SEMA5A: variants seen among roughly 807,000 people sequenced by gnomAD.
SEMA5A encodes the protein semaphorin 5A.
Under a neutral mutation model 135.5 loss-of-function variants are expected in SEMA5A, and 55 were observed. The observed-to-expected ratio is 0.41, with a 90% CI of 0.33 to 0.51. SEMA5A has a LOEUF of 0.51. Among genes scored for constraint, SEMA5A ranks in the 20% least tolerant of loss-of-function variants. SEMA5A has a pLI of 0.37. For synonymous variants in SEMA5A, 580 were observed against 546.5 expected (o/e 1.06, Z -0.85); for missense variants, 1,290 against 1,419.9 (o/e 0.91, Z 1.47).
rs1367337163 is a variant in SEMA5A at position 9,327,520 on chromosome 5, T to G, written c.225-9103A>C. ...AGATCAAACCATTTTAATAGCATTC[T>G]TATATATTTAAATACCAAGATTAAA... On this transcript the variant is annotated intron_variant, in intron 4 of 22. Transcript: ENST00000382496. Among the ~76,000 whole-genome samples, 4 of 152,168 alleles carry G rather than the reference T, an allele frequency of 2.6e-5. No individual in the cohort carries two copies. In the East Asian group the frequency reaches 5.8e-4, roughly 22 times the overall value.
intron 5 of SEMA5A, among the ~76,000 whole-genome samples, chr5:9,257,064 C>A (rs1480701108): frequency 2.0e-5 from 3 of 152,152 alleles, no homozygotes; most frequent in Non-Finnish European, 2.9e-5. Flanking sequence ...ATAGTTGGGT[C>A]TGTAGTCTTC....
intron 6 of SEMA5A, among the ~76,000 whole-genome samples, chr5:9,235,699 G>C (rs1747870881): frequency 6.7e-6 from 1 of 150,196 alleles, no homozygotes; most frequent in Non-Finnish European, 1.5e-5. Flanking sequence ...CTGCTGCTAG[G>C]TTGCTCAAAT....
intron 3 of SEMA5A, among the ~76,000 whole-genome samples, chr5:9,340,283 A>C (rs139150531): frequency 1.5e-4 from 23 of 152,228 alleles, no homozygotes; most frequent in Admixed American, 5.9e-4. Flanking sequence ...GTTCACCACA[A>C]CTCACAGCCC....
chr5:9,087,963 G>T (rs1033756939), intron 16 of SEMA5A, among the ~76,000 whole-genome samples: 1 of 152,050 alleles, frequency 6.6e-6, no homozygotes, highest in Non-Finnish European at 1.5e-5. Flanking sequence ...ATTCAATAAG[G>T]TGTTTCATAA....
At chr5:9,389,977 G>A (rs1756079500) in intron 2 of SEMA5A, among the ~76,000 whole-genome samples, 1 of 152,262 alleles carries the variant, frequency 6.6e-6, no homozygotes, top group African/African-American at 2.4e-5. Context: ...CCTGAGAAGT[G>A]GATTGATGGA....
At chr5:9,071,176 A>T (rs1040598305) in intron 16 of SEMA5A, among the ~76,000 whole-genome samples, 3 of 152,228 alleles carry the variant, frequency 2.0e-5, no homozygotes, top group Non-Finnish European at 2.9e-5. Flanking sequence ...TATGTATTCC[A>T]GTCAACAGTG....
chr5:9,230,922 C>T (rs898672028), intron 6 of SEMA5A, among the ~76,000 whole-genome samples: 1 of 152,180 alleles, frequency 6.6e-6, no homozygotes, highest in Non-Finnish European at 1.5e-5. Context: ...ACCCAACTGG[C>T]TAAGGGCATC....
chr5:9,202,200 G>A lies in SEMA5A; in HGVS notation c.687C>T (p.Thr229=). The A allele has an allele frequency of 6.2e-7, 1 of 1,613,934 alleles. No individual in the cohort carries two copies. The highest frequency in any genetic ancestry group is 2.2e-5 in the East Asian group (1 of 44,874). Residue 229 remains threonine, a synonymous_variant, in exon 9 of 23, where the codon ACC becomes ACT. Coordinates refer to ENST00000382496, the MANE Select transcript of SEMA5A (RefSeq NM_003966.3). ...CTGCATTTTCTCGGAAAAAGAAGTA[G>A]GTAAAATTTCCGATGTCATAAGATG... ...FVSSYDIGNF[T]YFFFRENAVE...
chr5:9,239,652 A>C (rs1271316350), intron 5 of SEMA5A, among the ~76,000 whole-genome samples: 2 of 152,022 alleles, frequency 1.3e-5, no homozygotes, highest in Non-Finnish European at 2.9e-5. Context: ...TTGAGGACTG[A>C]AAGAATATGA....
chr5:9,055,879 TA>T (rs11291379), intron 18 of SEMA5A, among the ~76,000 whole-genome samples: 128,102 of 147,238 alleles, frequency 0.87, 55,632 homozygotes, highest in East Asian at 0.96. Context: ...CTTTAAAAAT[TA>T]AAAAAAAAAA....
At chr5:9,355,629 G>T (rs1415192352) in intron 3 of SEMA5A, among the ~76,000 whole-genome samples, 2 of 152,090 alleles carry the variant, frequency 1.3e-5, no homozygotes, top group Non-Finnish European at 2.9e-5. Flanking sequence ...GCAATGGAGA[G>T]GTGAGTAAGG....
chr5:9,159,486 CAAATCGAAACCA>C (rs1371853191), intron 11 of SEMA5A, among the ~76,000 whole-genome samples: 1 of 152,056 alleles, frequency 6.6e-6, no homozygotes, highest in East Asian at 1.9e-4. Context: ...CAGAGAAGTG[CAAATCGAAACCA>C]AAATGAGATA....
chr5:9,069,260 C>T (rs978229977), intron 16 of SEMA5A, among the ~76,000 whole-genome samples: 9 of 152,200 alleles, frequency 5.9e-5, no homozygotes, highest in African/African-American at 2.2e-4. Context: ...CAACAGCTAG[C>T]CTTGCGAGCA....
At chr5:9,142,466 A>G (rs896774502) in intron 12 of SEMA5A, among the ~76,000 whole-genome samples, 4 of 152,226 alleles carry the variant, frequency 2.6e-5, no homozygotes, top group African/African-American at 9.6e-5. Flanking sequence ...CAAGTGTTGC[A>G]TACTTTAAAG....
At chr5:9,258,414 A>T (rs139074711) in intron 5 of SEMA5A, among the ~76,000 whole-genome samples, 9 of 152,296 alleles carry the variant, frequency 5.9e-5, no homozygotes, top group African/African-American at 1.7e-4. Flanking sequence ...TCTTTCAGTG[A>T]GGTGGCAAGA....
intron 16 of SEMA5A, among the ~76,000 whole-genome samples, chr5:9,107,858 A>G (rs1370535642): frequency 6.6e-6 from 1 of 152,132 alleles, no homozygotes; most frequent in Non-Finnish European, 1.5e-5. Context: ...CCTCCAGAGC[A>G]TCTATTGTAT....
chr5:9,069,511 C>T (rs1024407948), intron 16 of SEMA5A, among the ~76,000 whole-genome samples: 4 of 152,164 alleles, frequency 2.6e-5, no homozygotes, highest in Non-Finnish European at 4.4e-5. Context: ...ACCAACTTTA[C>T]CTGGGAACCT....
intron 1 of SEMA5A, among the ~76,000 whole-genome samples, chr5:9,519,373 T>A (rs533990754): frequency 1.0e-3 from 154 of 152,358 alleles, no homozygotes; most frequent in African/African-American, 3.4e-3. Flanking sequence ...TTTCTTCAGA[T>A]GGCATCAACA....
At chr5:9,406,598 G>A (rs1756897118) in intron 2 of SEMA5A, among the ~76,000 whole-genome samples, 1 of 152,050 alleles carries the variant, frequency 6.6e-6, no homozygotes, top group African/African-American at 2.4e-5. Context: ...TGTCAAGTAT[G>A]GATGGCACTG....
Sources: gnomAD v4.1 joint callset for allele counts (sites outside exome capture counted in the v4.1 genomes callset) on GRCh38, gnomAD v4.1.1 for gene constraint, MANE v1.5 for transcripts, NCBI Gene and HGNC (gene_info 2026-07-23, HGNC 2026-07-21) for gene names.